EXT2: variants seen among roughly 807,000 people sequenced by gnomAD.
The protein encoded by EXT2 is exostosin-2.
A neutral mutation model predicts 81.6 loss-of-function variants in EXT2; 53 were observed. That is an observed-to-expected ratio of 0.65 (90% CI 0.52 to 0.82). EXT2 has a LOEUF of 0.82. Among genes scored for constraint, EXT2 ranks in the 40% least tolerant of loss-of-function variants. The pLI, the probability that EXT2 is intolerant of heterozygous loss-of-function variation, is 0.00. For synonymous variants in EXT2, 320 were observed against 340.0 expected (o/e 0.94, Z 0.65); for missense variants, 774 against 910.2 (o/e 0.85, Z 1.93).
At chr11:44,175,213 T>C (rs1955141782) in intron 8 of EXT2, among the ~76,000 whole-genome samples, 1 of 152,082 alleles carries the variant, frequency 6.6e-6, no homozygotes, top group South Asian at 2.1e-4. Flanking sequence ...AAATGGACTG[T>C]TCTAATTGGT....
intron 13 of EXT2, among the ~76,000 whole-genome samples, chr11:44,236,655 A>C (rs1564988438): frequency 6.6e-6 from 1 of 152,236 alleles, no homozygotes; most frequent in Non-Finnish European, 1.5e-5. Flanking sequence ...GCAGTTAACC[A>C]TCTACAGTCA....
At chr11:44,161,745 T>C (rs1393426322) in intron 7 of EXT2, among the ~76,000 whole-genome samples, 1 of 152,130 alleles carries the variant, frequency 6.6e-6, no homozygotes, top group Non-Finnish European at 1.5e-5. Flanking sequence ...CTTAACTATG[T>C]GAGCAAGGTT....
At chr11:44,192,414 A>G (rs1397903912) in intron 8 of EXT2, among the ~76,000 whole-genome samples, 2 of 152,126 alleles carry the variant, frequency 1.3e-5, no homozygotes, top group Non-Finnish European at 2.9e-5. Context: ...GAGAGGAAGG[A>G]AAGTGTTCAT....
intron 4 of EXT2, among the ~76,000 whole-genome samples, chr11:44,118,339 A>G (rs192520941): frequency 1.6e-4 from 25 of 152,196 alleles, no homozygotes; most frequent in African/African-American, 5.1e-4. Flanking sequence ...TTTAGATAGC[A>G]TATTGTGACA....
chr11:44,183,604 T>C (rs938482316), intron 8 of EXT2, among the ~76,000 whole-genome samples: 2 of 152,212 alleles, frequency 1.3e-5, no homozygotes, highest in African/African-American at 4.8e-5. Flanking sequence ...ACCTTATGTC[T>C]CTCAGCTTTG....
At chr11:44,211,175 G>A (rs147177713) in intron 10 of EXT2, among the ~76,000 whole-genome samples, 123 of 152,334 alleles carry the variant, frequency 8.1e-4, no homozygotes, top group African/African-American at 2.8e-3. Context: ...TACACTGTCA[G>A]TGGGAATGTA....
chr11:44,139,120 C>CAT (rs1954610217), intron 7 of EXT2, among the ~76,000 whole-genome samples: 1 of 139,522 alleles, frequency 7.2e-6, no homozygotes. Context: ...TCTCTCTCTC[C>CAT]TTTTTTTTTT....
intron 13 of EXT2, among the ~76,000 whole-genome samples, chr11:44,237,902 TAAAAA>T (rs374084527): frequency 2.7e-4 from 15 of 56,362 alleles, no homozygotes; most frequent in African/African-American, 8.0e-4. Context: ...CGTCTCTACT[TAAAAA>T]AAAAAAAAAA....
chr11:44,197,804 C>G, intron 8 of EXT2, 25 bp from the exon 9 acceptor site: 1 of 1,612,808 alleles, frequency 6.2e-7, no homozygotes, highest in Non-Finnish European at 8.5e-7. Context: ...GCTTTTCTGA[C>G]CCGTGTTAAT....
intron 7 of EXT2, among the ~76,000 whole-genome samples, chr11:44,160,951 T>C (rs1485765989): frequency 6.6e-6 from 1 of 152,204 alleles, no homozygotes. Flanking sequence ...TTTTCTGTTT[T>C]CTTATTCATT....
At chr11:44,184,997 G>GGATGTGGGT (rs1290459223) in intron 8 of EXT2, among the ~76,000 whole-genome samples, 2 of 152,168 alleles carry the variant, frequency 1.3e-5, no homozygotes, top group Admixed American at 6.5e-5. Flanking sequence ...AAATTCCCCA[G>GGATGTGGGT]GAGGATTCCC....
chr11:44,201,215 G>A (rs1330921254), intron 9 of EXT2, among the ~76,000 whole-genome samples: 1 of 152,202 alleles, frequency 6.6e-6, no homozygotes, highest in Non-Finnish European at 1.5e-5. Flanking sequence ...AGCAATAGAA[G>A]TTGGGCCTGA....
At chr11:44,236,217 G>T in intron 12 of EXT2, 76 bp from the exon 13 acceptor site, 1 of 1,244,636 alleles carries the variant, frequency 8.0e-7, no homozygotes, top group Non-Finnish European at 1.2e-6. Flanking sequence ...ACAAAAGAAT[G>T]CAGTGTGGTG....
At position 44,171,622 on chromosome 11, in the gene EXT2, C is replaced by G. The variant is rs776907891; in HGVS notation, c.1185C>G (p.Phe395Leu). 7.4e-6 allele frequency: 12 copies of G among 1,614,108 alleles called. No individual in the cohort carries two copies. In the Admixed American group the frequency reaches 2.0e-4, roughly 27 times the overall value. Reference sequence around the variant, plus strand: ...TATTTTCTTTATAGGCCCGGTGGTTCTGGGAAGCGTACTTCCAGTCAATTA... The same window carrying G: ...TATTTTCTTTATAGGCCCGGTGGTTGTGGGAAGCGTACTTCCAGTCAATTA... ...IEEMQRQARW[F>L]WEAYFQSIKA... The change falls in exon 8 of 14, where the codon TTC becomes TTG. Residue 395 changes from phenylalanine to leucine, a missense_variant. Phe to Leu is a conservative substitution (Grantham distance 22, BLOSUM62 0). Transcript: ENST00000533608.
At position 44,244,991 on chromosome 11, in the gene EXT2, A is replaced by G; in HGVS notation, c.*704A>G. On this transcript the variant is annotated 3_prime_UTR_variant, in exon 14 of 14. Coordinates refer to ENST00000533608, the MANE Select transcript of EXT2 (RefSeq NM_207122.2). Reference sequence around the variant, plus strand: ...CAAGGAACCACCTTTCTCCCTTGATATATTTAACTCCGTCTTTGGCCTGAC... The same window carrying G: ...CAAGGAACCACCTTTCTCCCTTGATGTATTTAACTCCGTCTTTGGCCTGAC... 4.3e-6 allele frequency: 1 copy of G among 232,456 alleles called. No homozygotes were observed. The highest frequency in any genetic ancestry group is 5.6e-5 in the Admixed American group (1 of 17,884). 14.4% of individuals were successfully genotyped at this position (232,456 alleles called of 1,614,324 possible). A position where few individuals can be genotyped will look rare whatever the true frequency, so the allele number is the denominator to read the frequency against.
intron 7 of EXT2, among the ~76,000 whole-genome samples, chr11:44,152,305 T>TA (rs1954802268): frequency 6.6e-6 from 1 of 152,202 alleles, no homozygotes; most frequent in Non-Finnish European, 1.5e-5. Context: ...CAAGGCCATC[T>TA]AGGTTTTCTC....
At chr11:44,129,980 C>CTGTGTGTAGAAATGCTTTCTG (rs1446364991) in intron 6 of EXT2, 65 bp from the exon 7 acceptor site, 12 of 1,224,188 alleles carry the variant, frequency 9.8e-6, no homozygotes, top group Non-Finnish European at 1.3e-5. Flanking sequence ...TGAAACAAGA[C>CTGTGTGTAGAAATGCTTTCTG]TGTGTGTAGA....
At chr11:44,177,042 A>G (rs938604788) in intron 8 of EXT2, among the ~76,000 whole-genome samples, 2 of 152,134 alleles carry the variant, frequency 1.3e-5, no homozygotes, top group Non-Finnish European at 2.9e-5. Flanking sequence ...GGGTGATGAC[A>G]TTATCCACGT....
At chr11:44,230,953 AT>A in intron 10 of EXT2, among the ~76,000 whole-genome samples, 1 of 152,188 alleles carries the variant, frequency 6.6e-6, no homozygotes, top group East Asian at 1.9e-4. Context: ...GCTCTGGCAT[AT>A]GATCATATGA....
Sources: gnomAD v4.1 joint callset for allele counts (sites outside exome capture counted in the v4.1 genomes callset) on GRCh38, gnomAD v4.1.1 for gene constraint, MANE v1.5 for transcripts, NCBI Gene and HGNC (gene_info 2026-07-23, HGNC 2026-07-21) for gene names.